Variants in PDE10A observed in about 807,000 individuals in gnomAD.
The protein encoded by PDE10A is phosphodiesterase 10A.
A neutral mutation model predicts 97.7 loss-of-function variants in PDE10A; 39 were observed. The ratio of observed to expected loss-of-function variants is 0.40; its 90% CI spans 0.31 to 0.52. PDE10A has a LOEUF of 0.52. PDE10A is among the 20% of genes least tolerant of loss of function. The pLI is 0.56. For synonymous variants in PDE10A, 371 were observed against 376.8 expected (o/e 0.98, Z 0.18); for missense variants, 731 against 1,047.8 (o/e 0.70, Z 4.17).
At position 165,725,832 on chromosome 6, in the gene PDE10A, A is replaced by G. The variant is rs763761500; in HGVS notation, c.-614-182264T>C. ...CCCTAGCAAGCACAAGACGTATCCA[A>G]CTTGTCCTCCCAGCTCCATGCCATC... On this transcript the variant is annotated intron_variant, in intron 1 of 19. Transcript: ENST00000366882. 9.2e-5 allele frequency among the ~76,000 whole-genome samples: 14 copies of G among 152,230 alleles called. 1 individual carries two copies. Among genetic ancestry groups the G allele is most frequent in the Non-Finnish European group, 1.9e-4 (13 of 68,022 alleles).
chr6:165,415,484 A>C (rs1788246533), intron 12 of PDE10A, among the ~76,000 whole-genome samples: 1 of 152,352 alleles, frequency 6.6e-6, no homozygotes, highest in African/African-American at 2.4e-5. Flanking sequence ...ATTTATTAAA[A>C]TCAAATTACA....
chr6:165,969,719 A>G (rs1383828037), intron 1 of PDE10A, among the ~76,000 whole-genome samples: 2 of 152,204 alleles, frequency 1.3e-5, no homozygotes, highest in Non-Finnish European at 2.9e-5. Flanking sequence ...AGAAATGTAT[A>G]CATTGAAAGA....
At chr6:165,946,917 T>A (rs371045978) in intron 1 of PDE10A, 1 of 152,236 alleles carries the variant, frequency 6.6e-6, no homozygotes, top group Non-Finnish European at 1.5e-5. Flanking sequence ...ACCATTTTTT[T>A]TTCAGTTAAT....
At chr6:165,645,750 A>T (rs1789362205) in intron 1 of PDE10A, among the ~76,000 whole-genome samples, 1 of 151,252 alleles carries the variant, frequency 6.6e-6, no homozygotes, top group South Asian at 2.1e-4. Context: ...GCTACTAGGG[A>T]GGCTGAGACA....
intron 1 of PDE10A, among the ~76,000 whole-genome samples, chr6:165,620,499 T>G (rs919375434): frequency 6.6e-6 from 1 of 152,194 alleles, no homozygotes; most frequent in Non-Finnish European, 1.5e-5. Flanking sequence ...TTCCCTTCTT[T>G]AGAAACAGCC....
rs1363663973 is a variant in PDE10A, at chr6:165,330,094, A to G, written c.*2931T>C. On this transcript the variant is annotated 3_prime_UTR_variant, in exon 22 of 22. Transcript: ENST00000539869. ...CTAAAAAACATATTCACTGTGTCCA[A>G]AAAGATAATGGAATAATTGCATATG... The G allele has an allele frequency of 5.9e-5, 9 of 152,228 alleles. No homozygotes were observed. The highest frequency in any genetic ancestry group is 4.6e-4 in the Admixed American group (7 of 15,282). 9.4% of individuals were successfully genotyped at this position (152,228 alleles called of 1,614,324 possible).
chr6:165,855,438 C>T (rs576826110), intron 1 of PDE10A, among the ~76,000 whole-genome samples: 60 of 151,600 alleles, frequency 4.0e-4, no homozygotes, highest in African/African-American at 1.3e-3. Flanking sequence ...GCAGGGTGGA[C>T]GTGAGTCTGC....
At chr6:165,572,629 G>A (rs1042469719) in intron 1 of PDE10A, among the ~76,000 whole-genome samples, 6 of 152,172 alleles carry the variant, frequency 3.9e-5, no homozygotes, top group South Asian at 2.1e-4. Flanking sequence ...GCTGGGTGCC[G>A]TGGCTCACTC....
chr6:165,375,111 T>C (rs781734387), intron 18 of PDE10A, among the ~76,000 whole-genome samples: 28 of 152,198 alleles, frequency 1.8e-4, no homozygotes, highest in Non-Finnish European at 3.2e-4. Context: ...ATATTAAAAT[T>C]AGGCCAATTA....
intron 1 of PDE10A, among the ~76,000 whole-genome samples, chr6:165,713,597 T>A (rs1385997017): frequency 2.6e-5 from 4 of 152,264 alleles, no homozygotes; most frequent in Middle Eastern, 3.4e-3. Context: ...ACAGATAAGG[T>A]TTGACGACAA....
intron 14 of PDE10A, 107 bp from the exon 15 acceptor site, chr6:165,395,371 G>A (rs1562419173): frequency 4.3e-6 from 3 of 691,596 alleles, no homozygotes; most frequent in South Asian, 1.9e-5. Context: ...AAGACACTGG[G>A]AGCTCAGCCA....
At chr6:165,594,566 A>T (rs1294375100) in intron 1 of PDE10A, among the ~76,000 whole-genome samples, 1 of 152,196 alleles carries the variant, frequency 6.6e-6, no homozygotes, top group Non-Finnish European at 1.5e-5. Context: ...CAAGCTATAA[A>T]TATAGATGGA....
At chr6:165,947,853 C>T (rs1036861810) in intron 1 of PDE10A, among the ~76,000 whole-genome samples, 1 of 152,116 alleles carries the variant, frequency 6.6e-6, no homozygotes. Context: ...CACTTACCCC[C>T]GACCTGGAAT....
intron 1 of PDE10A, among the ~76,000 whole-genome samples, chr6:165,872,651 GTT>G (rs58957289): frequency 0.028 from 2,769 of 99,734 alleles, 82 homozygotes; most frequent in African/African-American, 0.097. Flanking sequence ...GGGGAGCTGT[GTT>G]TTTTTTGTTG....
At chr6:165,347,922 AAT>A (rs1348137885) in intron 18 of PDE10A, among the ~76,000 whole-genome samples, 7 of 152,242 alleles carry the variant, frequency 4.6e-5, no homozygotes, top group Non-Finnish European at 1.0e-4. Flanking sequence ...GCTATGTAAA[AAT>A]ATAGAACTTT....
chr6:165,582,278 G>C (rs527870446), intron 1 of PDE10A, among the ~76,000 whole-genome samples: 1 of 152,214 alleles, frequency 6.6e-6, no homozygotes. Flanking sequence ...AGTCACTATG[G>C]AGCTTAATGA....
chr6:165,870,812 G>A (rs150932402), intron 1 of PDE10A, among the ~76,000 whole-genome samples: 21 of 152,302 alleles, frequency 1.4e-4, no homozygotes, highest in Middle Eastern at 6.8e-3. Flanking sequence ...CAACATAGAT[G>A]GAATGGGAGG....
chr6:165,440,896 G>C (rs1433585551), intron 5 of PDE10A, among the ~76,000 whole-genome samples: 3 of 151,970 alleles, frequency 2.0e-5, no homozygotes, highest in Non-Finnish European at 4.4e-5. Flanking sequence ...AACTCTGATA[G>C]ATAACAGTGG....
At chr6:165,633,801 T>TC (rs1345831850) in intron 1 of PDE10A, among the ~76,000 whole-genome samples, 6 of 150,790 alleles carry the variant, frequency 4.0e-5, no homozygotes, top group Non-Finnish European at 1.5e-5. Context: ...CTAATTTTTT[T>TC]TTTTTTCGTA....
Sources: allele counts gnomAD v4.1 joint callset (sites outside exome capture counted in the v4.1 genomes callset), GRCh38; gene constraint gnomAD v4.1.1; transcripts MANE v1.5; gene names NCBI Gene and HGNC (gene_info 2026-07-23, HGNC 2026-07-21).